The following PKHD1L1 variants were observed in gnomAD, a reference collection of about 807,000 sequenced individuals.
The protein encoded by PKHD1L1 is fibrocystin-L.
In PKHD1L1, 434 loss-of-function variants were observed where a neutral mutation model predicts 462.9. The observed-to-expected ratio is 0.94, with a 90% CI of 0.87 to 1.02. The LOEUF is 1.02. PKHD1L1 is among the 50% of genes least tolerant of loss of function. The pLI is 0.00. For missense variants in PKHD1L1, 5,202 were observed against 5,096.1 expected, an observed-to-expected ratio of 1.02 and a Z score of -0.63; for synonymous variants, 1,781 against 1,750.0, an observed-to-expected ratio of 1.02 and a Z score of -0.44.
At chr8:109,432,728 A>C (rs904279050) in intron 27 of PKHD1L1, among the ~76,000 whole-genome samples, 3 of 152,208 alleles carry the variant, frequency 2.0e-5, no homozygotes, top group African/African-American at 7.2e-5. Flanking sequence ...TGCATGGTTT[A>C]TCCTTTCCTC....
intron 67 of PKHD1L1, among the ~76,000 whole-genome samples, chr8:109,503,550 T>C (rs1158488845): frequency 6.6e-6 from 1 of 152,216 alleles, no homozygotes; most frequent in Non-Finnish European, 1.5e-5. Context: ...GATTTAAGAA[T>C]TTTAGAGGTC....
At chr8:109,480,203 A>G in intron 55 of PKHD1L1, 64 bp downstream of exon 55, 1 of 1,459,680 alleles carries the variant, frequency 6.9e-7, no homozygotes, top group Middle Eastern at 2.0e-4. Flanking sequence ...GTATTTACTC[A>G]AATAATAAGA....
At chr8:109,402,669 G>A (rs1012328892) in intron 14 of PKHD1L1, among the ~76,000 whole-genome samples, 1 of 152,172 alleles carries the variant, frequency 6.6e-6, no homozygotes, top group South Asian at 2.1e-4. Flanking sequence ...CTAGACTCAA[G>A]GATGAAGAAA....
At chr8:109,393,263 A>T (rs1812796656) in intron 9 of PKHD1L1, among the ~76,000 whole-genome samples, 1 of 152,094 alleles carries the variant, frequency 6.6e-6, no homozygotes, top group African/African-American at 2.4e-5. Flanking sequence ...TTACAGGAGC[A>T]TTAATTGTTG....
intron 4 of PKHD1L1, 118 bp downstream of exon 4, chr8:109,382,689 T>G (rs1473148248): frequency 5.0e-6 from 3 of 596,124 alleles, no homozygotes; most frequent in Non-Finnish European, 8.1e-6. Context: ...TACATTAGCA[T>G]GTAACAAAGG....
intron 2 of PKHD1L1, among the ~76,000 whole-genome samples, chr8:109,368,453 G>A (rs1315026343): frequency 6.6e-6 from 1 of 152,232 alleles, no homozygotes; most frequent in African/African-American, 2.4e-5. Flanking sequence ...TGTGAATACT[G>A]AAAAGGATGA....
At chr8:109,427,325 T>C (rs1814813374) in intron 25 of PKHD1L1, among the ~76,000 whole-genome samples, 169 bp downstream of exon 25, 1 of 152,222 alleles carries the variant, frequency 6.6e-6, no homozygotes, top group Non-Finnish European at 1.5e-5. Flanking sequence ...TAAATTAAGC[T>C]GATCCAGTGT....
chr8:109,481,404 A>C, intron 55 of PKHD1L1, 29 bp from the exon 56 acceptor site: 1 of 1,539,100 alleles, frequency 6.5e-7, no homozygotes, highest in Non-Finnish European at 8.7e-7. Context: ...TCAATTTTTA[A>C]GTATTAACAA....
Position 109,400,347 on chromosome 8 carries a change from AG to A in PKHD1L1, c.1281+6del, listed in dbSNP as rs1212078251. 1 of 1,611,656 alleles carries A rather than the reference AG, an allele frequency of 6.2e-7. No homozygotes were observed. Among genetic ancestry groups the A allele is most frequent in the African/African-American group, 1.3e-5 (1 of 74,802 alleles). ...AGACTGGACTTCCAGAAGATAAGGT[AG>A]GGAAGCCTCAGAATACTATTTGATA... is the stretch of plus-strand genomic sequence containing the variant. On this transcript the variant is annotated splice_donor_region_variant and intron_variant, in intron 13 of 77. Transcript: ENST00000378402.
In PKHD1L1 at chr8:109,518,330, CT is replaced by C; in HGVS notation, c.11857del (p.Tyr3953IlefsTer14). 6.2e-7 allele frequency: 1 copy of C among 1,613,438 alleles called. No homozygotes were observed. The highest frequency in any genetic ancestry group is 8.5e-7 in the Non-Finnish European group (1 of 1,179,554). ...AATTATCTGTTGCAACAGAAGATGA[CT>C]TTTATACCTCTCACAATCTGGTTAA... Reference protein sequence around the residue: ...FQLSVATEDDFYTSHNLVKNL... With the variant: ...FQLSVATEDDXYTSHNLVKNL... On this transcript the variant is annotated frameshift_variant, in exon 73 of 78. Transcript: ENST00000378402. LOFTEE classifies it high-confidence loss of function.
At chr8:109,421,365 A>C (rs1189080328) in intron 23 of PKHD1L1, among the ~76,000 whole-genome samples, 1 of 152,070 alleles carries the variant, frequency 6.6e-6, no homozygotes, top group Non-Finnish European at 1.5e-5. Flanking sequence ...AAATTACTGA[A>C]AAATTATAAA....
At chr8:109,429,520 G>A in intron 26 of PKHD1L1, 58 bp downstream of exon 26, 4 of 1,500,536 alleles carry the variant, frequency 2.7e-6, no homozygotes, top group Admixed American at 2.0e-5. Context: ...TAACTAGTTT[G>A]TAATATGTTA....
chr8:109,413,971 C>G (rs1217052799), intron 21 of PKHD1L1, among the ~76,000 whole-genome samples: 1 of 151,682 alleles, frequency 6.6e-6, no homozygotes, highest in Admixed American at 6.6e-5. Context: ...CTTGCTGTGC[C>G]AAAAGTTAGG....
chr8:109,364,647 T>TC lies in PKHD1L1; in HGVS notation c.163+11_163+12insC. On this transcript the variant is annotated intron_variant, in intron 2 of 77. Transcript: ENST00000378402. ...CTATAAGAGGGGAAGGTATCGTTGCTTTTTTTTTTTTTTTTTTGCCAAGGT... is the reference window on the plus strand; with the variant it reads ...CTATAAGAGGGGAAGGTATCGTTGCTCTTTTTTTTTTTTTTTTTGCCAAGGT... 1 of 203,602 alleles carries TC rather than the reference T, an allele frequency of 4.9e-6. No homozygotes were observed. The highest frequency in any genetic ancestry group is 8.3e-4 in the Middle Eastern group (1 of 1,212). The allele number at this position is 203,602 out of a possible 1,614,324, so 12.6% of individuals were successfully genotyped here. A position where few individuals can be genotyped will look rare whatever the true frequency, so the allele number is the denominator to read the frequency against.
chr8:109,464,625 A>G lies in PKHD1L1; in HGVS notation c.7793A>G (p.Asp2598Gly), dbSNP rs190873959. The change falls in exon 49 of 78, where the codon GAC becomes GGC. Residue 2598 changes from aspartate (D) to glycine (G), a missense_variant. This residue lies in a region of PKHD1L1 where 4,497 missense variants were observed against 4,336.8 expected (regional missense o/e 1.04). Transcript: ENST00000378402. Reference sequence around the variant, plus strand: ...AACCACCCTGATGGGCCATCCTATGACAGAAACATTTGTCAAAAAAGAGTT... The same window carrying G: ...AACCACCCTGATGGGCCATCCTATGGCAGAAACATTTGTCAAAAAAGAGTT... ...MNNHPDGPSY[D>G]RNICQKRVPL... is the part of the protein sequence containing the mutation. The G allele has an allele frequency of 3.1e-6, 5 of 1,612,594 alleles. No homozygotes were observed. The East Asian group carries it at 6.7e-5, about 22-fold the overall frequency.
chr8:109,368,792 C>T (rs774431381), intron 2 of PKHD1L1, among the ~76,000 whole-genome samples: 2 of 152,064 alleles, frequency 1.3e-5, no homozygotes, highest in African/African-American at 4.8e-5. Context: ...CCCAGGTTTG[C>T]GTGCCTGGCA....
intron 2 of PKHD1L1, among the ~76,000 whole-genome samples, chr8:109,370,677 G>A (rs549100304): frequency 6.6e-6 from 1 of 151,932 alleles, no homozygotes; most frequent in East Asian, 1.9e-4. Context: ...ACCCACAACA[G>A]GCCCCAGTGT....
At chr8:109,425,449 TA>T (rs1273466974) in intron 24 of PKHD1L1, among the ~76,000 whole-genome samples, 1 of 151,894 alleles carries the variant, frequency 6.6e-6, no homozygotes, top group East Asian at 1.9e-4. Flanking sequence ...TAGCCAATCA[TA>T]AAGGTGTTTC....
rs1812574902 is a variant in PKHD1L1 at position 109,389,023 on chromosome 8, A to G, written c.624-56A>G. 3.4e-6 allele frequency: 4 copies of G among 1,180,740 alleles called. No homozygotes were observed. The South Asian group carries it at 5.7e-5, about 17-fold the overall frequency. The allele number at this position is 1,180,740 out of a possible 1,614,324, so 73.1% of individuals were successfully genotyped here. ...ATGAGTAGTTTTTAAGAGAAACACA[A>G]TATTCTAAAATTTTAGTGTCTATAT... On this transcript the variant is annotated intron_variant, in intron 7 of 77. Coordinates refer to ENST00000378402, the MANE Select transcript of PKHD1L1 (RefSeq NM_177531.6).
Sources: gnomAD v4.1 joint callset for allele counts (sites outside exome capture counted in the v4.1 genomes callset) on GRCh38, gnomAD v4.1.1 for gene constraint, gnomAD v4.1.1 regional missense constraint, MANE v1.5 for transcripts, NCBI Gene and HGNC (gene_info 2026-07-23, HGNC 2026-07-21) for gene names.